Variants in PRR16 observed in about 807,000 individuals in gnomAD.
PRR16 encodes protein Largen.
PRR16 carries 6 observed loss-of-function variants against 18.2 expected under a neutral mutation model. The observed-to-expected ratio is 0.33, with a 90% confidence interval of 0.18 to 0.65. The LOEUF (loss-of-function observed/expected upper bound fraction) is 0.65, where lower values mean the gene tolerates loss of function less well. PRR16 is among the 30% of genes least tolerant of loss of function. PRR16 has a pLI of 0.74. For synonymous variants in PRR16, 151 were observed against 147.8 expected (o/e 1.02, Z -0.16); for missense variants, 412 against 376.6 (o/e 1.09, Z -0.78).
chr5:120,604,854 T>C (rs1754103208), intron 1 of PRR16, among the ~76,000 whole-genome samples: 3 of 152,194 alleles, frequency 2.0e-5, no homozygotes, highest in Non-Finnish European at 4.4e-5. Context: ...ATGCTGAATA[T>C]AGGCTCCCAA....
At chr5:120,647,605 A>C (rs950212835) in intron 1 of PRR16, among the ~76,000 whole-genome samples, 1 of 152,050 alleles carries the variant, frequency 6.6e-6, no homozygotes. Flanking sequence ...TCACTATTCA[A>C]ATTATTTCTT....
intron 1 of PRR16, among the ~76,000 whole-genome samples, chr5:120,568,191 A>G (rs1174790656): frequency 2.0e-5 from 3 of 152,210 alleles, no homozygotes; most frequent in Non-Finnish European, 4.4e-5. Flanking sequence ...AGTGAGCAGT[A>G]ATACCAGTGA....
At chr5:120,704,658 C>T in the PRR16 span, among the ~76,000 whole-genome samples, 2 of 152,136 alleles carry the variant, frequency 1.3e-5, no homozygotes, top group African/African-American at 4.8e-5. Context: ...ACACCCTGAT[C>T]CCCAACCTGG....
the PRR16 span, among the ~76,000 whole-genome samples, chr5:120,704,760 A>G: frequency 6.6e-6 from 1 of 152,194 alleles, no homozygotes; most frequent in African/African-American, 2.4e-5. Context: ...AGAATTAACA[A>G]TAATTAAATA....
At chr5:120,785,063 A>AGTT in the PRR16 span, among the ~76,000 whole-genome samples, 86 of 152,352 alleles carry the variant, frequency 5.6e-4, no homozygotes, top group African/African-American at 1.9e-3. Flanking sequence ...AACATCCAGT[A>AGTT]GTTGTAGGCT....
At chr5:120,517,074 A>T (rs935023157) in intron 1 of PRR16, among the ~76,000 whole-genome samples, 13 of 152,310 alleles carry the variant, frequency 8.5e-5, no homozygotes, top group Non-Finnish European at 4.4e-5. Context: ...AGAGTAAAAA[A>T]TTGCTAGCAA....
the PRR16 span, among the ~76,000 whole-genome samples, chr5:120,699,024 C>T: frequency 6.6e-6 from 1 of 152,046 alleles, no homozygotes; most frequent in African/African-American, 2.4e-5. Context: ...AAGGCCTTTA[C>T]TTATTCAGTG....
the PRR16 span, among the ~76,000 whole-genome samples, chr5:120,793,300 T>C: frequency 3.3e-5 from 5 of 152,010 alleles, no homozygotes; most frequent in African/African-American, 1.2e-4. Context: ...AATGTAGGCA[T>C]GTTTAACTCC....
intron 1 of PRR16, among the ~76,000 whole-genome samples, chr5:120,569,788 A>G (rs1752849824): frequency 6.6e-6 from 1 of 152,192 alleles, no homozygotes; most frequent in Non-Finnish European, 1.5e-5. Flanking sequence ...AGAAAATAAT[A>G]CATGCCAGTT....
chr5:120,788,495 ATAT>A, the PRR16 span, among the ~76,000 whole-genome samples: 5 of 152,204 alleles, frequency 3.3e-5, no homozygotes, highest in East Asian at 1.9e-4. Context: ...TAAAACAAAA[ATAT>A]TATTGTGGGA....
chr5:120,693,675 C>CT, the PRR16 span, among the ~76,000 whole-genome samples: 3 of 152,132 alleles, frequency 2.0e-5, no homozygotes, highest in African/African-American at 7.2e-5. Context: ...ACTATTTACT[C>CT]AATGTTTTGC....
chr5:120,554,286 T>C (rs190983069), intron 1 of PRR16, among the ~76,000 whole-genome samples: 93 of 152,018 alleles, frequency 6.1e-4, no homozygotes, highest in African/African-American at 2.1e-3. Context: ...ATTTACAAGA[T>C]CATTTACAAG....
At chr5:120,602,326 T>G (rs1303345563) in intron 1 of PRR16, among the ~76,000 whole-genome samples, 1 of 152,068 alleles carries the variant, frequency 6.6e-6, no homozygotes, top group African/African-American at 2.4e-5. Context: ...TCATGGCTAT[T>G]GTAAATGGGA....
At chr5:120,631,314 T>C (rs755840198) in intron 1 of PRR16, among the ~76,000 whole-genome samples, 1 of 152,062 alleles carries the variant, frequency 6.6e-6, no homozygotes, top group Non-Finnish European at 1.5e-5. Flanking sequence ...TGCAGGAACA[T>C]ACCAGGAAAG....
chr5:120,688,884 C>G (rs1371861734), downstream of PRR16, among the ~76,000 whole-genome samples: 2 of 152,136 alleles, frequency 1.3e-5, no homozygotes, highest in African/African-American at 4.8e-5. Flanking sequence ...AGCCAGACAC[C>G]TAGAAACAAT....
the PRR16 span, among the ~76,000 whole-genome samples, chr5:120,787,727 C>T: frequency 6.6e-6 from 1 of 152,032 alleles, no homozygotes; most frequent in Non-Finnish European, 1.5e-5. Flanking sequence ...TGCTTTCAGC[C>T]GGTGTCTTCG....
intron 1 of PRR16, among the ~76,000 whole-genome samples, chr5:120,543,830 A>G (rs1236573903): frequency 6.6e-6 from 1 of 152,180 alleles, no homozygotes; most frequent in Non-Finnish European, 1.5e-5. Flanking sequence ...TGGAGCTATT[A>G]CACTAACTCT....
chr5:120,526,521 T>G (rs1457120415), intron 1 of PRR16, among the ~76,000 whole-genome samples: 1 of 152,164 alleles, frequency 6.6e-6, no homozygotes, highest in East Asian at 1.9e-4. Context: ...CTTACTCGTG[T>G]TATAGTGTAT....
At chr5:120,628,695 CATCTATCTATCTATCTATCTATCT>C (rs10590670) in intron 1 of PRR16, among the ~76,000 whole-genome samples, 40 of 144,708 alleles carry the variant, frequency 2.8e-4, no homozygotes, top group East Asian at 2.7e-3. Context: ...ATCATTCTAC[CATCTATCTATCTATCTATCTATCT>C]ATCTATCTAT....
Sources: gnomAD v4.1 joint callset for allele counts (sites outside exome capture counted in the v4.1 genomes callset) on GRCh38, gnomAD v4.1.1 for gene constraint, MANE v1.5 for transcripts, NCBI Gene and HGNC (gene_info 2026-07-23, HGNC 2026-07-21) for gene names.